The following GPHN variants were observed in gnomAD, a reference collection of about 807,000 sequenced individuals.
GPHN encodes gephyrin.
A neutral mutation model predicts 95.5 loss-of-function variants in GPHN; 17 were observed. The ratio of observed to expected loss-of-function variants is 0.18; its 90% confidence interval spans 0.12 to 0.27. The LOEUF (loss-of-function observed/expected upper bound fraction) is 0.27. Among genes scored for constraint, GPHN ranks in the 10% least tolerant of loss-of-function variants. GPHN has a pLI of 1.00. For missense variants in GPHN, 660 were observed against 978.1 expected, an observed-to-expected ratio of 0.67 and a Z score of 4.34; for synonymous variants, 320 against 322.5, an observed-to-expected ratio of 0.99 and a Z score of 0.08.
rs1257977349 is a variant in GPHN at position 67,128,938 on chromosome 14, C to A, written c.1748+6561C>A. Among the ~76,000 whole-genome samples, 10 of 151,970 alleles carry A rather than the reference C, an allele frequency of 6.6e-5. No individual in the cohort carries two copies. The East Asian group carries it at 1.4e-3, about 21-fold the overall frequency. ...CAAGCGATTCTCCTGCCTCAGCCTCCCAAGTAGCTGGGATTACAGGCATGC... is the reference window on the plus strand; with the variant it reads ...CAAGCGATTCTCCTGCCTCAGCCTCACAAGTAGCTGGGATTACAGGCATGC... On this transcript the variant is annotated intron_variant, in intron 17 of 22. Transcript: ENST00000478722.
At chr14:67,083,597 A>G (rs1312015297) in intron 11 of GPHN, among the ~76,000 whole-genome samples, 1 of 152,240 alleles carries the variant, frequency 6.6e-6, no homozygotes, top group Non-Finnish European at 1.5e-5. Context: ...ACACTGATAT[A>G]TTACAAATTG....
the GPHN span, among the ~76,000 whole-genome samples, chr14:67,555,292 A>C: frequency 6.6e-6 from 1 of 152,236 alleles, no homozygotes; most frequent in Non-Finnish European, 1.5e-5. Context: ...CAAGAAATCA[A>C]ATAAGGTGAT....
At chr14:66,989,655 G>T (rs1449713944) in intron 9 of GPHN, among the ~76,000 whole-genome samples, 3 of 111,478 alleles carry the variant, frequency 2.7e-5, no homozygotes, top group South Asian at 5.7e-4. Context: ...GTCCAATATA[G>T]AAAAAAAAAA....
intron 1 of GPHN, among the ~76,000 whole-genome samples, chr14:66,588,194 C>T (rs2061498990): frequency 6.6e-6 from 1 of 152,040 alleles, no homozygotes; most frequent in South Asian, 2.1e-4. Context: ...ATAGCATCAA[C>T]ATCAACAAAA....
chr14:67,381,906 A>C, the GPHN span, among the ~76,000 whole-genome samples: 7 of 152,186 alleles, frequency 4.6e-5, no homozygotes, highest in South Asian at 1.5e-3. Flanking sequence ...CAGTGGATGG[A>C]GATTCCTATT....
intron 1 of GPHN, among the ~76,000 whole-genome samples, chr14:66,604,340 C>G (rs1433353391): frequency 6.6e-6 from 1 of 151,840 alleles, no homozygotes; most frequent in African/African-American, 2.4e-5. Context: ...AAGTTATTCT[C>G]TTAACAAAAA....
At chr14:66,754,182 T>C (rs1290313450) in intron 2 of GPHN, among the ~76,000 whole-genome samples, 1 of 152,122 alleles carries the variant, frequency 6.6e-6, no homozygotes, top group African/African-American at 2.4e-5. Flanking sequence ...TACAAGTGTT[T>C]GTACAAACAT....
At chr14:66,878,207 C>G (rs930677952) in intron 4 of GPHN, among the ~76,000 whole-genome samples, 1 of 152,070 alleles carries the variant, frequency 6.6e-6, no homozygotes, top group African/African-American at 2.4e-5. Context: ...TTCCTTACAC[C>G]TTATACAAAA....
At chr14:66,845,024 G>T (rs1293535384) in intron 4 of GPHN, among the ~76,000 whole-genome samples, 1 of 151,970 alleles carries the variant, frequency 6.6e-6, no homozygotes. Flanking sequence ...ATGTTTTCAG[G>T]GTTCATTTAT....
chr14:66,573,045 T>A (rs2060759779), intron 1 of GPHN, among the ~76,000 whole-genome samples: 1 of 152,226 alleles, frequency 6.6e-6, no homozygotes, highest in Admixed American at 6.5e-5. Flanking sequence ...TTCATATCAT[T>A]GTGGTTGGAA....
At chr14:66,832,054 C>T (rs111423513) in intron 4 of GPHN, among the ~76,000 whole-genome samples, 78 of 152,194 alleles carry the variant, frequency 5.1e-4, no homozygotes, top group African/African-American at 1.6e-3. Context: ...GGCCGAATCA[C>T]GAGAATCACT....
chr14:67,543,781 C>A, the GPHN span, among the ~76,000 whole-genome samples: 3 of 148,854 alleles, frequency 2.0e-5, no homozygotes, highest in African/African-American at 5.0e-5. Flanking sequence ...AACAAAATAA[C>A]AAAAAAAAAA....
chr14:66,598,219 C>T (rs1014779307), intron 1 of GPHN, among the ~76,000 whole-genome samples: 2 of 151,976 alleles, frequency 1.3e-5, no homozygotes, highest in Non-Finnish European at 2.9e-5. Flanking sequence ...ATGGTGACTG[C>T]AGTTAATAAC....
At chr14:67,569,200 T>C in the GPHN span, 1 of 1,611,392 alleles carries the variant, frequency 6.2e-7, no homozygotes, top group Non-Finnish European at 8.5e-7. Flanking sequence ...CTCCCAGAAG[T>C]AATACTGCAT....
intron 10 of GPHN, among the ~76,000 whole-genome samples, chr14:67,047,749 C>T (rs1027242614): frequency 3.3e-5 from 5 of 152,088 alleles, no homozygotes; most frequent in African/African-American, 1.2e-4. Flanking sequence ...CTTTGGGAGG[C>T]CAGGGGTTTG....
downstream of GPHN, among the ~76,000 whole-genome samples, chr14:67,184,515 G>T (rs2083359070): frequency 6.6e-6 from 1 of 152,138 alleles, no homozygotes; most frequent in East Asian, 1.9e-4. Context: ...AGAATGGAAA[G>T]AATTTTATGT....
At chr14:66,772,922 T>C (rs1472352715) in intron 2 of GPHN, among the ~76,000 whole-genome samples, 1 of 152,232 alleles carries the variant, frequency 6.6e-6, no homozygotes, top group African/African-American at 2.4e-5. Context: ...ATCCTAGATA[T>C]GATTTAATAT....
At chr14:67,341,970 CAG>C in the GPHN span, among the ~76,000 whole-genome samples, 1 of 151,786 alleles carries the variant, frequency 6.6e-6, no homozygotes, top group Non-Finnish European at 1.5e-5. Flanking sequence ...CTTTGTTAAA[CAG>C]ATGCTTGAAG....
At chr14:67,068,209 A>G (rs75305141) in intron 11 of GPHN, among the ~76,000 whole-genome samples, 1 of 152,206 alleles carries the variant, frequency 6.6e-6, no homozygotes, top group Non-Finnish European at 1.5e-5. Flanking sequence ...TCTCAAATCA[A>G]TGTAAACATT....
Sources: allele counts gnomAD v4.1 joint callset (sites outside exome capture counted in the v4.1 genomes callset), GRCh38; gene constraint gnomAD v4.1.1; transcripts MANE v1.5; gene names NCBI Gene and HGNC (gene_info 2026-07-23, HGNC 2026-07-21).